LPGAT1: variants seen among roughly 807,000 people sequenced by gnomAD.
The protein encoded by LPGAT1 is acyl-CoA:lysophosphatidylglycerol acyltransferase 1.
A neutral mutation model predicts 47.5 loss-of-function variants in LPGAT1; 11 were observed. The ratio of observed to expected loss-of-function variants is 0.23; its 90% CI spans 0.15 to 0.38. The LOEUF (loss-of-function observed/expected upper bound fraction) is 0.38. Ranked by LOEUF, LPGAT1 falls within the 10% of genes least tolerant of loss-of-function variation. The pLI, the probability that LPGAT1 is intolerant of heterozygous loss-of-function variation, is 1.00. For synonymous variants in LPGAT1, 138 were observed against 144.2 expected, an observed-to-expected ratio of 0.96 and a Z score of 0.31; for missense variants, 293 against 439.0, an observed-to-expected ratio of 0.67 and a Z score of 2.97.
At chr1:211,780,928 A>AACACCAAAATTCAGTTTAAT (rs1372950160) in intron 5 of LPGAT1, among the ~76,000 whole-genome samples, 1 of 152,198 alleles carries the variant, frequency 6.6e-6, no homozygotes, top group Admixed American at 6.5e-5. Context: ...GATGAGAAAA[A>AACACCAAAATTCAGTTTAAT]ACACCAAAAT....
At chr1:211,816,934 AC>A (rs1014869374) in intron 2 of LPGAT1, among the ~76,000 whole-genome samples, 11 of 152,234 alleles carry the variant, frequency 7.2e-5, no homozygotes, top group African/African-American at 2.4e-4. Context: ...TGTTGAAAAT[AC>A]ATCTGTATAC....
intron 6 of LPGAT1, among the ~76,000 whole-genome samples, chr1:211,756,745 T>C (rs1165674483): frequency 2.0e-5 from 3 of 152,216 alleles, no homozygotes; most frequent in African/African-American, 7.2e-5. Flanking sequence ...AAGATCTCTT[T>C]CAAACTAAAC....
In LPGAT1 at chr1:211,830,062, G is replaced by C; in HGVS notation, c.-28+511C>G. 7.1e-6 allele frequency: 7 copies of C among 985,328 alleles called. No homozygotes were observed. Among genetic ancestry groups the C allele is most frequent in the Non-Finnish European group, 8.4e-6 (7 of 830,260 alleles). 61.0% of individuals were successfully genotyped at this position (985,328 alleles called of 1,614,324 possible). ...TTTCCGACCAGAGGGCAAGGAAGCA[G>C]GGGATGATGAAAGGGGCAGAGAAGA... On this transcript the variant is annotated intron_variant, in intron 1 of 7. Coordinates refer to ENST00000366997, the MANE Select transcript of LPGAT1 (RefSeq NM_014873.3). This position sits in a 1 kb window ranked among gnomAD's most constrained non-coding sequence, Gnocchi z 5.9.
chr1:211,809,063 G>C (rs963876855), intron 2 of LPGAT1, among the ~76,000 whole-genome samples: 1 of 151,992 alleles, frequency 6.6e-6, no homozygotes, highest in Non-Finnish European at 1.5e-5. Flanking sequence ...AAATTAGCTG[G>C]GTGTGGTGGC....
chr1:211,752,458 C>T (rs1198742263), intron 6 of LPGAT1, among the ~76,000 whole-genome samples: 1 of 149,534 alleles, frequency 6.7e-6, no homozygotes, highest in Admixed American at 6.7e-5. Flanking sequence ...ATTAATTCTC[C>T]TCCTCATTGT....
At chr1:211,752,184 A>G (rs547697055) in intron 6 of LPGAT1, among the ~76,000 whole-genome samples, 6 of 152,288 alleles carry the variant, frequency 3.9e-5, no homozygotes, top group African/African-American at 1.4e-4. Context: ...GAAATTATGT[A>G]TCATTTTTCA....
chr1:211,755,145 G>A (rs1436262999), intron 6 of LPGAT1, among the ~76,000 whole-genome samples: 1 of 150,718 alleles, frequency 6.6e-6, no homozygotes, highest in African/African-American at 2.4e-5. Context: ...AGACCATCCT[G>A]GCTAACACGG....
intron 6 of LPGAT1, among the ~76,000 whole-genome samples, chr1:211,776,749 A>G (rs1338366087): frequency 1.4e-5 from 2 of 138,916 alleles, no homozygotes; most frequent in Non-Finnish European, 3.1e-5. Flanking sequence ...TTAACTGCAG[A>G]AAAAAAAAAA....
intron 6 of LPGAT1, among the ~76,000 whole-genome samples, chr1:211,764,271 C>T (rs1355217589): frequency 6.6e-6 from 1 of 152,104 alleles, no homozygotes. Context: ...TCTCATGTGC[C>T]TGTTTTGTCT....
chr1:211,816,290 CACTAACATGTAAACTTCTTAAGA>C lies in LPGAT1; in HGVS notation c.238+12746_238+12768del, dbSNP rs1255345535. Among the ~76,000 whole-genome samples, 7 of 152,172 alleles carry C rather than the reference CACTAACATGTAAACTTCTTAAGA, an allele frequency of 4.6e-5. 1 individual carries two copies. Among genetic ancestry groups the C allele is most frequent in the Non-Finnish European group, 1.0e-4 (7 of 68,032 alleles). ...TGTGACTCCTGTTGTCTCTCTCCCA[CACTAACATGTAAACTTCTTAAGA>C]ACAGCAACTATGTTGTTTTGTTTGC... On this transcript the variant is annotated intron_variant, in intron 2 of 7. Coordinates refer to ENST00000366997, the MANE Select transcript of LPGAT1 (RefSeq NM_014873.3).
intron 5 of LPGAT1, among the ~76,000 whole-genome samples, chr1:211,779,356 C>A (rs1658541340): frequency 6.6e-6 from 1 of 152,004 alleles, no homozygotes; most frequent in Non-Finnish European, 1.5e-5. Context: ...AAAAAACTAA[C>A]CTATGAAAAG....
intron 6 of LPGAT1, among the ~76,000 whole-genome samples, chr1:211,758,928 T>C (rs1401296831): frequency 6.6e-6 from 1 of 152,220 alleles, no homozygotes; most frequent in Non-Finnish European, 1.5e-5. Flanking sequence ...TGAGTTGCAT[T>C]TTATTAAGAA....
At chr1:211,816,693 A>G (rs1660189161) in intron 2 of LPGAT1, among the ~76,000 whole-genome samples, 2 of 152,212 alleles carry the variant, frequency 1.3e-5, no homozygotes, top group Admixed American at 6.5e-5. Flanking sequence ...TAATAATGAA[A>G]TTATCATTTA....
At chr1:211,781,510 G>A (rs1306177978) in intron 5 of LPGAT1, among the ~76,000 whole-genome samples, 1 of 152,068 alleles carries the variant, frequency 6.6e-6, no homozygotes, top group Non-Finnish European at 1.5e-5. Flanking sequence ...CTTTCAATTT[G>A]TCTTTTTAAT....
intron 6 of LPGAT1, among the ~76,000 whole-genome samples, chr1:211,776,695 G>A (rs1658414987): frequency 6.6e-6 from 1 of 151,506 alleles, no homozygotes; most frequent in South Asian, 2.1e-4. Context: ...AAAATTGGCT[G>A]GTACCATATG....
At chr1:211,811,165 A>G (rs1235890549) in intron 2 of LPGAT1, among the ~76,000 whole-genome samples, 1 of 152,240 alleles carries the variant, frequency 6.6e-6, no homozygotes, top group Non-Finnish European at 1.5e-5. Flanking sequence ...GAAAGAGGAC[A>G]TTAACAATGA....
chr1:211,780,957 A>G lies in LPGAT1; in HGVS notation c.728-1913T>C, dbSNP rs565727914. Among the ~76,000 whole-genome samples, 12 of 152,336 alleles carry G rather than the reference A, an allele frequency of 7.9e-5. No individual in the cohort carries two copies. The South Asian group carries it at 2.5e-3, about 32-fold the overall frequency. ...CCAAAATTCAGTTTAATATCTGTTA[A>G]ATCATGTGATAACAAAAATACTAAT... On this transcript the variant is annotated intron_variant, in intron 5 of 7. Coordinates refer to ENST00000366997, the MANE Select transcript of LPGAT1 (RefSeq NM_014873.3).
rs1271430891 is a variant in LPGAT1 at position 211,829,241 on chromosome 1, A to G, written c.56T>C (p.Leu19Pro). Residue 19 changes from leucine (L) to proline (P), a missense_variant, in exon 2 of 8, where the codon CTG (leucine) becomes CCG (proline). By Grantham distance (98) the Leu-to-Pro change is moderately conservative (BLOSUM62 -3). Transcript: ENST00000366997. The stretch of plus-strand genomic sequence containing the variant: ...GACGACCATGAAGGCAAACCTCATC[A>G]GTGCTTTCACCAAGAGCCAGCCCAG... ...PWLGWLLVKA[L>P]MRFAFMVVNN... The G allele has an allele frequency of 6.2e-7, 1 of 1,614,246 alleles. No homozygotes were observed. The highest frequency in any genetic ancestry group is 8.5e-7 in the Non-Finnish European group (1 of 1,180,050).
At position 211,744,823 on chromosome 1, in the gene LPGAT1, A is replaced by G. The variant is rs573800111; in HGVS notation, c.*5076T>C. The stretch of plus-strand genomic sequence containing the variant: ...GAAAGGGGGAAATATTTTTAAACCA[A>G]AGAAGGAAGTCTGATGTTTTTTCAT... On this transcript the variant is annotated 3_prime_UTR_variant, in exon 8 of 8. Transcript: ENST00000366997. The G allele has an allele frequency of 2.0e-5, 3 of 152,694 alleles. No individual in the cohort carries two copies. The South Asian group carries it at 6.2e-4, about 32-fold the overall frequency. 9.5% of individuals were successfully genotyped at this position (152,694 alleles called of 1,614,324 possible).
Sources: gnomAD v4.1 joint callset for allele counts (sites outside exome capture counted in the v4.1 genomes callset) on GRCh38, gnomAD v4.1.1 for gene constraint, Gnocchi (gnomAD v3.1) non-coding constraint, MANE v1.5 for transcripts, NCBI Gene and HGNC (gene_info 2026-07-23, HGNC 2026-07-21) for gene names.